KLHDC1: variants seen among roughly 807,000 people sequenced by gnomAD.
KLHDC1 encodes kelch domain-containing protein 1.
Under a neutral mutation model 68.3 loss-of-function variants are expected in KLHDC1, and 53 were observed. That is an observed-to-expected ratio of 0.78 (90% CI 0.62 to 0.98). The LOEUF is 0.98. Ranked by LOEUF, KLHDC1 falls within the 50% of genes least tolerant of loss-of-function variation. The pLI is 0.00. For synonymous variants in KLHDC1, 148 were observed against 159.0 expected (o/e 0.93, Z 0.52); for missense variants, 470 against 492.3 (o/e 0.95, Z 0.43).
At chr14:49,701,583 C>T (rs1594648064) in intron 1 of KLHDC1, among the ~76,000 whole-genome samples, 4 of 151,560 alleles carry the variant, frequency 2.6e-5, no homozygotes, top group Admixed American at 6.6e-5. Flanking sequence ...TGCTTGAACC[C>T]GGAGGGTGGA....
intron 12 of KLHDC1, among the ~76,000 whole-genome samples, chr14:49,744,425 A>G (rs926703818): frequency 6.6e-6 from 1 of 151,958 alleles, no homozygotes; most frequent in Admixed American, 6.6e-5. Flanking sequence ...TAAGCCTGAC[A>G]TTTTTCACAT....
chr14:49,751,916 G>A lies in KLHDC1; in HGVS notation c.*144G>A, dbSNP rs1403834649. The A allele has an allele frequency of 1.2e-5, 5 of 407,244 alleles. No individual in the cohort carries two copies. The highest frequency in any genetic ancestry group is 2.2e-5 in the Non-Finnish European group (5 of 224,682). 25.2% of individuals were successfully genotyped at this position (407,244 alleles called of 1,614,324 possible). On this transcript the variant is annotated 3_prime_UTR_variant, in exon 13 of 13. Coordinates refer to ENST00000359332, the MANE Select transcript of KLHDC1 (RefSeq NM_172193.3). ...CTCTGTTAAGTGACTATATGCCATG[G>A]GATATATGGAAAAAAGATATTAATG...
chr14:49,711,491 C>A (rs574325276), intron 4 of KLHDC1, among the ~76,000 whole-genome samples: 6 of 152,304 alleles, frequency 3.9e-5, no homozygotes. Context: ...GCGTGAGCCA[C>A]TGCACCTGGC....
chr14:49,693,143 C>A lies in KLHDC1; in HGVS notation c.-52C>A. The stretch of plus-strand genomic sequence containing the variant: ...GCAGTCGGGGCTGGAGGCGAGGCCG[C>A]CGGGCGGGCAGGGGTTGTGGCGCGG... On this transcript the variant is annotated 5_prime_UTR_variant, in exon 1 of 13. Coordinates refer to ENST00000359332, the MANE Select transcript of KLHDC1 (RefSeq NM_172193.3). 6.7e-7 allele frequency: 1 copy of A among 1,501,834 alleles called. No individual in the cohort carries two copies. The highest frequency in any genetic ancestry group is 9.0e-7 in the Non-Finnish European group (1 of 1,110,852). The allele number at this position is 1,501,834 out of a possible 1,614,324, so 93.0% of individuals were successfully genotyped here. A position where few individuals can be genotyped will look rare whatever the true frequency, so the allele number is the denominator to read the frequency against.
chr14:49,697,501 C>T lies in KLHDC1; in HGVS notation c.96+4211C>T, dbSNP rs145132198. ...GAGAATTACCAAAATGTGACACAGA[C>T]ACGAAGTGAGCATCACTTGCTGTTG... On this transcript the variant is annotated intron_variant, in intron 1 of 12. Transcript: ENST00000359332. Among the ~76,000 whole-genome samples the T allele has an allele frequency of 1.6e-3, 242 of 152,328 alleles. 1 individual carries two copies. The highest frequency in any genetic ancestry group is 2.7e-3 in the Non-Finnish European group (183 of 68,040).
intron 1 of KLHDC1, among the ~76,000 whole-genome samples, chr14:49,703,398 A>G (rs1384653893): frequency 2.0e-5 from 3 of 150,168 alleles, no homozygotes; most frequent in African/African-American, 4.9e-5. Flanking sequence ...GCTGGATTGC[A>G]GTGACATGAT....
chr14:49,742,278 G>A (rs1382396678), intron 11 of KLHDC1, among the ~76,000 whole-genome samples: 1 of 152,168 alleles, frequency 6.6e-6, no homozygotes, highest in Non-Finnish European at 1.5e-5. Flanking sequence ...TATTTGAAAG[G>A]ATTAGATACA....
intron 1 of KLHDC1, among the ~76,000 whole-genome samples, chr14:49,705,601 C>T (rs533659386): frequency 6.6e-5 from 10 of 151,916 alleles, no homozygotes; most frequent in African/African-American, 2.4e-4. Flanking sequence ...GAACTCCTGA[C>T]CTTGTGATCT....
At chr14:49,738,342 G>GTT (rs750397018) in intron 10 of KLHDC1, among the ~76,000 whole-genome samples, 12 of 122,972 alleles carry the variant, frequency 9.8e-5, no homozygotes, top group Non-Finnish European at 1.2e-4. Context: ...TGGTTTTTTT[G>GTT]TTTTTTTTTT....
intron 4 of KLHDC1, among the ~76,000 whole-genome samples, chr14:49,717,854 C>T (rs1290504368): frequency 6.6e-6 from 1 of 151,924 alleles, no homozygotes; most frequent in African/African-American, 2.4e-5. Context: ...TAGGTTTATT[C>T]AGATTTTCTA....
intron 11 of KLHDC1, among the ~76,000 whole-genome samples, chr14:49,743,075 A>G (rs1354808367): frequency 1.4e-5 from 2 of 146,178 alleles, no homozygotes; most frequent in African/African-American, 5.0e-5. Context: ...CTGTCTCCAA[A>G]AAAAAAAAAA....
chr14:49,716,386 GC>G (rs1888377975), intron 4 of KLHDC1, among the ~76,000 whole-genome samples: 1 of 150,814 alleles, frequency 6.6e-6, no homozygotes, highest in African/African-American at 2.4e-5. Context: ...CTCTTGCTAC[GC>G]TTTTTTTTTT....
chr14:49,705,576 G>T (rs554825334), intron 1 of KLHDC1, among the ~76,000 whole-genome samples: 29 of 151,518 alleles, frequency 1.9e-4, no homozygotes, highest in African/African-American at 5.6e-4. Context: ...TCACCATATT[G>T]GCCAGGCTGC....
chr14:49,729,759 A>G (rs182979750), intron 8 of KLHDC1, among the ~76,000 whole-genome samples: 4 of 152,360 alleles, frequency 2.6e-5, no homozygotes, highest in East Asian at 1.9e-4. Context: ...ATTAGATTAT[A>G]TAAAAGTACT....
At chr14:49,745,188 A>G (rs971737817) in intron 12 of KLHDC1, among the ~76,000 whole-genome samples, 12 of 152,218 alleles carry the variant, frequency 7.9e-5, no homozygotes, top group Non-Finnish European at 1.5e-4. Flanking sequence ...GATGTTCTAT[A>G]ACATGAACCA....
chr14:49,738,311 TC>T (rs1426759915), intron 10 of KLHDC1, among the ~76,000 whole-genome samples: 1 of 151,958 alleles, frequency 6.6e-6, no homozygotes, highest in Non-Finnish European at 1.5e-5. Context: ...GTTGTTTTTT[TC>T]ATGTTCTCTT....
At chr14:49,700,006 T>C (rs1209833430) in intron 1 of KLHDC1, 1 of 355,840 alleles carries the variant, frequency 2.8e-6, no homozygotes, top group Non-Finnish European at 5.4e-6. Flanking sequence ...TGTAATACAA[T>C]TGATAATATG....
chr14:49,745,134 G>A (rs1009256047), intron 12 of KLHDC1, among the ~76,000 whole-genome samples: 4 of 152,196 alleles, frequency 2.6e-5, no homozygotes, highest in African/African-American at 9.7e-5. Flanking sequence ...GAGAGATAAA[G>A]AGAGGGGACA....
chr14:49,744,302 G>A (rs1237954674), intron 12 of KLHDC1, among the ~76,000 whole-genome samples: 1 of 1,966 alleles, frequency 5.1e-4, no homozygotes, highest in Non-Finnish European at 9.1e-3. Context: ...ATGTGTGTGT[G>A]TGTGTGTGTG....
Sources: allele counts gnomAD v4.1 joint callset (sites outside exome capture counted in the v4.1 genomes callset), GRCh38; gene constraint gnomAD v4.1.1; transcripts MANE v1.5; gene names NCBI Gene and HGNC (gene_info 2026-07-23, HGNC 2026-07-21).